The following CAST variants were observed in gnomAD, a reference collection of about 807,000 sequenced individuals.
The protein encoded by CAST is calpastatin.
In CAST, 76 loss-of-function variants were observed where a neutral mutation model predicts 119.6. That is an observed-to-expected ratio of 0.64 (90% CI 0.53 to 0.77). CAST has a LOEUF of 0.77. Among genes scored for constraint, CAST ranks in the 30% least tolerant of loss-of-function variants. CAST has a pLI of 0.00. For synonymous variants in CAST, 319 were observed against 331.6 expected, an observed-to-expected ratio of 0.96 and a Z score of 0.41; for missense variants, 953 against 946.5, an observed-to-expected ratio of 1.01 and a Z score of -0.09.
chr5:96,291,070 G>A, the CAST span, among the ~76,000 whole-genome samples: 1 of 152,190 alleles, frequency 6.6e-6, no homozygotes, highest in African/African-American at 2.4e-5. Context: ...CAGACAAGGT[G>A]AACATACTAG....
At chr5:96,373,588 G>T in the CAST span, among the ~76,000 whole-genome samples, 2 of 152,158 alleles carry the variant, frequency 1.3e-5, no homozygotes, top group Non-Finnish European at 2.9e-5. Context: ...TGGACATTTC[G>T]ATAGGGAATA....
At chr5:96,001,332 A>G in the CAST span, among the ~76,000 whole-genome samples, 3 of 152,218 alleles carry the variant, frequency 2.0e-5, no homozygotes, top group Non-Finnish European at 2.9e-5. Flanking sequence ...CTAGAAACCT[A>G]CATTTCTTCT....
chr5:96,183,604 G>A, the CAST span, among the ~76,000 whole-genome samples: 70 of 151,106 alleles, frequency 4.6e-4, no homozygotes, highest in African/African-American at 1.4e-3. Flanking sequence ...TATTTATTTC[G>A]GCATAGTATT....
chr5:96,240,973 C>T, the CAST span, among the ~76,000 whole-genome samples: 2 of 151,912 alleles, frequency 1.3e-5, no homozygotes, highest in Non-Finnish European at 2.9e-5. Flanking sequence ...TTATTATGTA[C>T]TAATATCAGA....
chr5:96,771,318 C>T lies in CAST; in HGVS notation c.2341-326C>T, dbSNP rs27373. ...GTGGATTTACTGGACAGCCATGACCCTATGTACAGGAAAGGAAGGATCACC... is the reference window on the plus strand; with the variant it reads ...GTGGATTTACTGGACAGCCATGACCTTATGTACAGGAAAGGAAGGATCACC... On this transcript the variant is annotated intron_variant, in intron 30 of 31. Transcript: ENST00000675179. Among the ~76,000 whole-genome samples, 9,475 of 152,104 alleles carry T rather than the reference C, an allele frequency of 0.062. 336 individuals are homozygous for T. Among genetic ancestry groups the T allele is most frequent in the African/African-American group, 0.1 (4,200 of 41,488 alleles).
At chr5:96,305,004 G>A in the CAST span, among the ~76,000 whole-genome samples, 2 of 152,180 alleles carry the variant, frequency 1.3e-5, no homozygotes, top group Admixed American at 6.5e-5. Context: ...ATGGTAGCTT[G>A]ATGTGGATAG....
the CAST span, among the ~76,000 whole-genome samples, chr5:96,379,387 C>A: frequency 2.6e-4 from 39 of 152,222 alleles, no homozygotes; most frequent in African/African-American, 9.1e-4. Flanking sequence ...TTTAGTGAAT[C>A]CATTCACATT....
At chr5:96,494,882 G>T in the CAST span, among the ~76,000 whole-genome samples, 1 of 152,044 alleles carries the variant, frequency 6.6e-6, no homozygotes. Context: ...CTTTGGGAGG[G>T]CAAGGCGGGC....
chr5:96,071,944 T>A, the CAST span, among the ~76,000 whole-genome samples: 2 of 152,338 alleles, frequency 1.3e-5, no homozygotes. Flanking sequence ...GTACATAATT[T>A]ATATTACTCT....
the CAST span, among the ~76,000 whole-genome samples, chr5:96,275,023 T>C: frequency 6.6e-6 from 1 of 152,208 alleles, no homozygotes; most frequent in African/African-American, 2.4e-5. Flanking sequence ...GAGGATCTGT[T>C]TGATATTTGC....
At chr5:96,601,596 C>T (rs1242534662) in intron 1 of CAST, among the ~76,000 whole-genome samples, 1 of 151,988 alleles carries the variant, frequency 6.6e-6, no homozygotes, top group African/African-American at 2.4e-5. Context: ...GTGAAAGTAC[C>T]GATTTCAGTT....
chr5:96,653,885 G>A (rs941080602), intron 1 of CAST, among the ~76,000 whole-genome samples: 4 of 151,898 alleles, frequency 2.6e-5, no homozygotes, highest in Admixed American at 6.6e-5. Flanking sequence ...AATATTTGTT[G>A]TTTCCCCTTA....
chr5:96,168,007 G>A, the CAST span, among the ~76,000 whole-genome samples: 20 of 152,258 alleles, frequency 1.3e-4, 1 homozygote, highest in East Asian at 5.8e-4. Flanking sequence ...TCTAAGAGGT[G>A]GGCTAGTGGC....
the CAST span, among the ~76,000 whole-genome samples, chr5:96,191,946 T>A: frequency 1.3e-5 from 2 of 152,210 alleles, no homozygotes; most frequent in African/African-American, 4.8e-5. Context: ...GTGACAAGAA[T>A]GGCTGAATTA....
At chr5:96,110,746 T>A in the CAST span, among the ~76,000 whole-genome samples, 382 of 152,250 alleles carry the variant, frequency 2.5e-3, 1 homozygote, top group Non-Finnish European at 3.7e-3. Flanking sequence ...AACTTGGAGA[T>A]GTCTAATCTC....
At chr5:96,285,383 T>G in the CAST span, among the ~76,000 whole-genome samples, 1 of 152,208 alleles carries the variant, frequency 6.6e-6, no homozygotes, top group Non-Finnish European at 1.5e-5. Context: ...ACTGTACAAA[T>G]TTCAGGTTTT....
intron 8 of CAST, 94 bp from the exon 9 acceptor site, chr5:96,730,686 C>T (rs1760271169): frequency 1.1e-6 from 1 of 886,640 alleles, no homozygotes; most frequent in Admixed American, 1.8e-5. Context: ...TGAGGGTGAA[C>T]TGGCAGATGT....
At chr5:96,723,116 T>TTTCGTTCG (rs371010985) in intron 4 of CAST, among the ~76,000 whole-genome samples, 16 of 152,008 alleles carry the variant, frequency 1.1e-4, no homozygotes, top group African/African-American at 3.6e-4. Flanking sequence ...CTAATTGTTT[T>TTTCGTTCG]TTTGTTTGTT....
At chr5:96,753,663 G>C (rs1444386684) in intron 20 of CAST, among the ~76,000 whole-genome samples, 4 of 152,198 alleles carry the variant, frequency 2.6e-5, no homozygotes, top group African/African-American at 9.6e-5. Flanking sequence ...AAATGGAGAG[G>C]AATGGCCTCT....
Sources: gnomAD v4.1 joint callset for allele counts (sites outside exome capture counted in the v4.1 genomes callset) on GRCh38, gnomAD v4.1.1 for gene constraint, MANE v1.5 for transcripts, NCBI Gene and HGNC (gene_info 2026-07-23, HGNC 2026-07-21) for gene names.